The following ABR variants were observed in gnomAD, a reference collection of about 807,000 sequenced individuals.
ABR encodes ABR activator of RhoGEF and GTPase.
ABR carries 35 observed loss-of-function variants against 107.2 expected under a neutral mutation model. The observed-to-expected ratio is 0.33, with a 90% confidence interval of 0.25 to 0.43. The LOEUF (loss-of-function observed/expected upper bound fraction) is 0.43. ABR is among the 20% of genes least tolerant of loss of function. The pLI, the probability that ABR is intolerant of heterozygous loss-of-function variation, is 1.00. For missense variants in ABR, 815 were observed against 1,115.2 expected (o/e 0.73, Z 3.83); for synonymous variants, 498 against 462.0 (o/e 1.08, Z -1.00).
intron 16 of ABR, among the ~76,000 whole-genome samples, chr17:1,033,183 C>T (rs1018575351): frequency 6.6e-6 from 1 of 152,180 alleles, no homozygotes; most frequent in South Asian, 2.1e-4. Context: ...GGTCGGGGCC[C>T]AGAGACGAGC....
At chr17:1,108,331 C>G (rs952624806) in intron 2 of ABR, among the ~76,000 whole-genome samples, 2 of 152,144 alleles carry the variant, frequency 1.3e-5, no homozygotes, top group Non-Finnish European at 2.9e-5. Flanking sequence ...TCCTACAGGA[C>G]GGGTCACTGC....
At chr17:1,076,609 G>A (rs1279978292) in intron 6 of ABR, among the ~76,000 whole-genome samples, 1 of 151,758 alleles carries the variant, frequency 6.6e-6, no homozygotes, top group Non-Finnish European at 1.5e-5. Context: ...CACATGGCAG[G>A]TTGGGTTTCA....
chr17:1,021,779 C>T (rs1480825555), intron 16 of ABR, among the ~76,000 whole-genome samples: 1 of 149,652 alleles, frequency 6.7e-6, no homozygotes, highest in Non-Finnish European at 1.5e-5. Context: ...CACTGCACTC[C>T]AGCCTGGCGG....
At chr17:1,220,683 C>T (rs1156858455) in intron 1 of ABR, among the ~76,000 whole-genome samples, 2 of 152,202 alleles carry the variant, frequency 1.3e-5, no homozygotes, top group Non-Finnish European at 2.9e-5. Context: ...CCCCACCCTC[C>T]TTGCAATGGG....
At chr17:1,036,030 G>A (rs2073158732) in intron 16 of ABR, among the ~76,000 whole-genome samples, 1 of 151,964 alleles carries the variant, frequency 6.6e-6, no homozygotes, top group African/African-American at 2.4e-5. Flanking sequence ...ACGGCTTCCA[G>A]GCAAATCCTC....
At chr17:1,198,497 CTT>C (rs1225999723) in intron 1 of ABR, among the ~76,000 whole-genome samples, 1 of 151,424 alleles carries the variant, frequency 6.6e-6, no homozygotes, top group East Asian at 1.9e-4. Context: ...AATCCCAGCA[CTT>C]TGGGAGGCTG....
chr17:1,192,432 G>A (rs764297395), intron 1 of ABR, among the ~76,000 whole-genome samples: 101 of 152,294 alleles, frequency 6.6e-4, no homozygotes, highest in Admixed American at 4.9e-3. Context: ...AGTTATGGAG[G>A]GGGCAGGAGG....
rs1567604781 is a variant in ABR, at chr17:1,027,636, GC to G, written c.1792-14473del. Among the ~76,000 whole-genome samples the G allele has an allele frequency of 6.6e-6, 1 of 151,914 alleles. No homozygotes were observed. Among genetic ancestry groups the G allele is most frequent in the African/African-American group, 2.4e-5 (1 of 41,338 alleles). On this transcript the variant is annotated intron_variant, in intron 16 of 22. Transcript: ENST00000302538. The surrounding 1 kb of genome is among the most constrained non-coding windows in gnomAD (Gnocchi z 4.7). The stretch of plus-strand genomic sequence containing the variant: ...TGCCAACCTGTCAGCCAGCCTGGCC[GC>G]AGTCAGGACCCACACATAGGCCCAG...
In ABR at chr17:1,070,414, G is replaced by A. The variant is rs778205665; in HGVS notation, c.895-324C>T. On this transcript the variant is annotated intron_variant, in intron 8 of 22. Transcript: ENST00000302538. This position sits in a 1 kb window ranked among gnomAD's most constrained non-coding sequence, Gnocchi z 4.2. ...TGCATGTGAAACAGCACAGTGCCTG[G>A]CACATTAAGTGTGTGCAACGCACGG... Among the ~76,000 whole-genome samples, 5 of 152,186 alleles carry A rather than the reference G, an allele frequency of 3.3e-5. No homozygotes were observed. Among genetic ancestry groups the A allele is most frequent in the Non-Finnish European group, 7.3e-5 (5 of 68,032 alleles).
intron 1 of ABR, among the ~76,000 whole-genome samples, chr17:1,134,784 G>C (rs1381110757): frequency 6.6e-6 from 1 of 152,238 alleles, no homozygotes; most frequent in African/African-American, 2.4e-5. Flanking sequence ...CAGGGACCCT[G>C]CGGTCCGGCA....
intron 1 of ABR, among the ~76,000 whole-genome samples, chr17:1,220,029 C>T (rs2043088012): frequency 6.6e-6 from 1 of 152,168 alleles, no homozygotes; most frequent in African/African-American, 2.4e-5. Flanking sequence ...CGGTGGCTCA[C>T]GCCTGTAATC....
intron 16 of ABR, among the ~76,000 whole-genome samples, chr17:1,023,693 G>A (rs1339156970): frequency 1.3e-5 from 2 of 152,188 alleles, no homozygotes; most frequent in Non-Finnish European, 2.9e-5. Context: ...AGACCTCCAT[G>A]GGCTCTGAAG....
At chr17:1,083,805 A>C in intron 4 of ABR, 178 bp from the exon 5 acceptor site, 1 of 596,304 alleles carries the variant, frequency 1.7e-6, no homozygotes, top group Non-Finnish European at 3.0e-6. Context: ...TTTGAACTGG[A>C]CAGTTTCCAT....
chr17:1,056,607 G>A (rs1051127567), intron 13 of ABR, among the ~76,000 whole-genome samples: 7 of 151,958 alleles, frequency 4.6e-5, no homozygotes, highest in African/African-American at 9.7e-5. Context: ...CCAGACTCCC[G>A]GGCTTACAGC....
At chr17:1,091,598 G>C in intron 4 of ABR, 67 bp downstream of exon 4, 2 of 1,544,742 alleles carry the variant, frequency 1.3e-6, no homozygotes, top group Middle Eastern at 2.0e-4. Flanking sequence ...CCTCTCCTGA[G>C]GCTCCTGCAA....
chr17:1,183,946 C>T (rs2042213816), upstream of ABR, among the ~76,000 whole-genome samples: 1 of 152,184 alleles, frequency 6.6e-6, no homozygotes, highest in African/African-American at 2.4e-5. Flanking sequence ...CGCGGTGGCT[C>T]ATGCCTGTAA....
chr17:1,092,516 AG>A lies in ABR; in HGVS notation c.346-667del, dbSNP rs1373396321. The stretch of plus-strand genomic sequence containing the variant: ...CTGCCTGTCTATACCAAGATGCTCC[AG>A]GGCCTGCCAGTGTAGACGGTGAGGT... On this transcript the variant is annotated intron_variant, in intron 3 of 22. Transcript: ENST00000302538. This position sits in a 1 kb window ranked among gnomAD's most constrained non-coding sequence, Gnocchi z 4.6. Among the ~76,000 whole-genome samples the A allele has an allele frequency of 1.3e-5, 2 of 152,162 alleles. No homozygotes were observed. Among genetic ancestry groups the A allele is most frequent in the Non-Finnish European group, 2.9e-5 (2 of 68,040 alleles).
At chr17:1,132,992 C>T (rs2039912020) in intron 1 of ABR, among the ~76,000 whole-genome samples, 1 of 152,138 alleles carries the variant, frequency 6.6e-6, no homozygotes, top group Admixed American at 6.5e-5. Flanking sequence ...CCTGTAACCC[C>T]AGGTCTTTGG....
intron 2 of ABR, among the ~76,000 whole-genome samples, chr17:1,124,576 C>T (rs566238854): frequency 4.8e-4 from 73 of 152,388 alleles, no homozygotes; most frequent in Middle Eastern, 3.4e-3. Flanking sequence ...AAACCCTCCA[C>T]AGTTTCTATC....
Sources: gnomAD v4.1 joint callset for allele counts (sites outside exome capture counted in the v4.1 genomes callset) on GRCh38, gnomAD v4.1.1 for gene constraint, Gnocchi (gnomAD v3.1) non-coding constraint, MANE v1.5 for transcripts, NCBI Gene and HGNC (gene_info 2026-07-23, HGNC 2026-07-21) for gene names.